The following ZNG1E variants were observed in gnomAD, a reference collection of about 807,000 sequenced individuals.
ZNG1E encodes the protein Zn regulated GTPase metalloprotein activator 1E.
chr9:65,669,411 A>T, the ZNG1E span, among the ~76,000 whole-genome samples: 1 of 150,658 alleles, frequency 6.6e-6, no homozygotes, highest in Non-Finnish European at 1.5e-5. Flanking sequence ...ATAGCCACAA[A>T]TGTCCATTTA....
At chr9:65,711,902 T>C in the ZNG1E span, among the ~76,000 whole-genome samples, 1 of 131,666 alleles carries the variant, frequency 7.6e-6, no homozygotes, top group Non-Finnish European at 1.5e-5. Context: ...TCTTTTTCTA[T>C]TGATTGGAAT....
the ZNG1E span, chr9:65,675,741 G>A: frequency 8.2e-6 from 6 of 734,454 alleles, no homozygotes; most frequent in African/African-American, 7.7e-5. Context: ...CACAGAACAC[G>A]CCCAGGGGCG....
the ZNG1E span, among the ~76,000 whole-genome samples, chr9:65,687,390 C>A: frequency 6.8e-6 from 1 of 147,414 alleles, no homozygotes; most frequent in Admixed American, 6.8e-5. Flanking sequence ...GTACTGCATG[C>A]ATTCTTTGGG....
the ZNG1E span, among the ~76,000 whole-genome samples, chr9:65,705,107 G>T: frequency 4.6e-5 from 7 of 150,542 alleles, no homozygotes; most frequent in Non-Finnish European, 8.8e-5. Flanking sequence ...TTAAGGAAAA[G>T]GAATAGTGTG....
At chr9:65,722,697 A>ATTTTTTTTTTTTTTTTTTTT in the ZNG1E span, among the ~76,000 whole-genome samples, 4 of 8,402 alleles carry the variant, frequency 4.8e-4, no homozygotes, top group African/African-American at 9.7e-4. Flanking sequence ...TGCCTAGCTA[A>ATTTTTTTTTTTTTTTTTTTT]TTTTTTTTTT....
At chr9:65,699,973 G>A in the ZNG1E span, among the ~76,000 whole-genome samples, 7 of 151,542 alleles carry the variant, frequency 4.6e-5, no homozygotes, top group South Asian at 8.3e-4. Context: ...CGCAAGAGTA[G>A]CAAGTAACAG....
At chr9:65,662,084 TA>T in the ZNG1E span, among the ~76,000 whole-genome samples, 3 of 152,216 alleles carry the variant, frequency 2.0e-5, no homozygotes, top group Non-Finnish European at 4.4e-5. Flanking sequence ...AACATTCTAG[TA>T]AAAGCACAGG....
chr9:65,675,568 G>T, the ZNG1E span, among the ~76,000 whole-genome samples: 2 of 148,968 alleles, frequency 1.3e-5, 1 homozygote, highest in Admixed American at 1.3e-4. Context: ...TAAAATCTAT[G>T]CCCTGTGGGA....
chr9:65,660,541 G>T, the ZNG1E span, among the ~76,000 whole-genome samples: 1 of 152,240 alleles, frequency 6.6e-6, no homozygotes, highest in East Asian at 1.9e-4. Flanking sequence ...AGTGTATTCG[G>T]TATTTATGTG....
the ZNG1E span, among the ~76,000 whole-genome samples, chr9:65,727,351 A>T: frequency 6.8e-6 from 1 of 147,172 alleles, no homozygotes; most frequent in Admixed American, 6.8e-5. Flanking sequence ...AAAAAAAACA[A>T]GGTATACAGG....
the ZNG1E span, chr9:65,693,562 T>C: frequency 8.5e-7 from 1 of 1,181,184 alleles, no homozygotes; most frequent in Non-Finnish European, 1.1e-6. Context: ...ATTTTTTTTT[T>C]TTTTTTTTTT....
chr9:65,679,954 T>A, the ZNG1E span, among the ~76,000 whole-genome samples: 1 of 152,276 alleles, frequency 6.6e-6, no homozygotes, highest in Admixed American at 6.5e-5. Flanking sequence ...GTTAACTTTG[T>A]TTAATGTTTA....
At chr9:65,717,213 TG>T in the ZNG1E span, among the ~76,000 whole-genome samples, 4 of 149,546 alleles carry the variant, frequency 2.7e-5, no homozygotes, top group African/African-American at 1.0e-4. Flanking sequence ...AATTATACTA[TG>T]TTTTTTCATA....
At chr9:65,727,288 A>T in the ZNG1E span, among the ~76,000 whole-genome samples, 2 of 149,186 alleles carry the variant, frequency 1.3e-5, no homozygotes, top group Non-Finnish European at 2.9e-5. Flanking sequence ...TTTAAAGCAT[A>T]AATATCACAG....
the ZNG1E span, among the ~76,000 whole-genome samples, chr9:65,714,331 C>A: frequency 6.6e-6 from 1 of 151,544 alleles, no homozygotes; most frequent in Non-Finnish European, 1.5e-5. Flanking sequence ...GTAATTTGAT[C>A]GTCTGAAGCC....
chr9:65,732,578 AAATT>A, the ZNG1E span: 1 of 1,031,864 alleles, frequency 9.7e-7, no homozygotes, highest in Admixed American at 4.8e-5. Flanking sequence ...TTTCTAAAAC[AAATT>A]ATTTAATATA....
At chr9:65,685,863 A>G in the ZNG1E span, among the ~76,000 whole-genome samples, 1 of 151,164 alleles carries the variant, frequency 6.6e-6, no homozygotes, top group Non-Finnish European at 1.5e-5. Context: ...TATGAAATAT[A>G]TTTCTTAAAT....
the ZNG1E span, among the ~76,000 whole-genome samples, chr9:65,710,960 C>G: frequency 6.9e-6 from 1 of 145,554 alleles, no homozygotes; most frequent in South Asian, 2.2e-4. Context: ...TGGCCATTTT[C>G]ACGATATTGA....
At chr9:65,681,990 G>A in the ZNG1E span, 1 of 356,022 alleles carries the variant, frequency 2.8e-6, no homozygotes, top group African/African-American at 2.1e-5. Context: ...ATACTTCTAA[G>A]TGTTCAACCT....
Sources: allele counts gnomAD v4.1 joint callset (sites outside exome capture counted in the v4.1 genomes callset), GRCh38; gene constraint gnomAD v4.1.1; transcripts MANE v1.5; gene names NCBI Gene and HGNC (gene_info 2026-07-23, HGNC 2026-07-21).